Variants in SLC35F1 observed in about 807,000 individuals in gnomAD.
SLC35F1 encodes the protein solute carrier family 35 member F1.
In SLC35F1, 14 loss-of-function variants were observed where a neutral mutation model predicts 48.7. The observed-to-expected ratio is 0.29, with a 90% CI of 0.19 to 0.45. The LOEUF (loss-of-function observed/expected upper bound fraction) is 0.45, where lower values mean the gene tolerates loss of function less well. Among genes scored for constraint, SLC35F1 ranks in the 20% least tolerant of loss-of-function variants. The probability of loss-of-function intolerance (pLI) is 1.00; values close to 1 mark genes in which losing one functional copy is unlikely to be tolerated. For synonymous variants in SLC35F1, 190 were observed against 202.2 expected, an observed-to-expected ratio of 0.94 and a Z score of 0.51; for missense variants, 404 against 500.0, an observed-to-expected ratio of 0.81 and a Z score of 1.83.
intron 1 of SLC35F1, among the ~76,000 whole-genome samples, chr6:117,960,200 T>G (rs1294051956): frequency 6.6e-6 from 1 of 151,854 alleles, no homozygotes; most frequent in Non-Finnish European, 1.5e-5. Flanking sequence ...CTATGTTTGC[T>G]TCTTTCTTTC....
chr6:118,211,720 A>G (rs6936121), intron 2 of SLC35F1, among the ~76,000 whole-genome samples: 82,953 of 152,018 alleles, frequency 0.55, 23,019 homozygotes, highest in Middle Eastern at 0.62. Context: ...CTGGAAGCTC[A>G]AGTGATGTGA....
At chr6:118,299,130 A>G (rs11758402) in intron 7 of SLC35F1, among the ~76,000 whole-genome samples, 55,201 of 152,012 alleles carry the variant, frequency 0.36, 10,463 homozygotes, top group Middle Eastern at 0.46. Flanking sequence ...GCAGTGAGCC[A>G]TGATCACACC....
At chr6:118,160,898 A>ATT (rs5879450) in intron 2 of SLC35F1, among the ~76,000 whole-genome samples, 5,801 of 143,824 alleles carry the variant, frequency 0.04, 175 homozygotes, top group Middle Eastern at 0.058. Flanking sequence ...GTATCCTGCT[A>ATT]TTTTTTTTTT....
chr6:118,106,501 T>C (rs1056323583), intron 1 of SLC35F1, among the ~76,000 whole-genome samples: 8 of 152,210 alleles, frequency 5.3e-5, no homozygotes, highest in Non-Finnish European at 8.8e-5. Flanking sequence ...CAGCCACTGC[T>C]AAGCTAAATC....
At chr6:118,048,100 G>A (rs1265636332) in intron 1 of SLC35F1, among the ~76,000 whole-genome samples, 2 of 152,152 alleles carry the variant, frequency 1.3e-5, no homozygotes, top group African/African-American at 4.8e-5. Context: ...AAGCGTTGTT[G>A]ATTTTTGTCA....
intron 1 of SLC35F1, among the ~76,000 whole-genome samples, chr6:118,114,618 C>T (rs981830212): frequency 3.9e-5 from 6 of 152,136 alleles, no homozygotes; most frequent in East Asian, 1.9e-4. Context: ...CCTCGTGATC[C>T]ACCCACCTTG....
At chr6:117,974,098 T>C (rs1776676839) in intron 1 of SLC35F1, among the ~76,000 whole-genome samples, 1 of 152,184 alleles carries the variant, frequency 6.6e-6, no homozygotes, top group South Asian at 2.1e-4. Context: ...TTTGGACAAA[T>C]TGTTTAATCT....
chr6:118,048,954 C>A lies in SLC35F1; in HGVS notation c.174-105491C>A, dbSNP rs1582638104. On this transcript the variant is annotated intron_variant, in intron 1 of 7. Coordinates refer to ENST00000360388, the MANE Select transcript of SLC35F1 (RefSeq NM_001029858.4). ...AAGCTGGAGGCCTCACGCTACCTGA[C>A]TTCAAACCTTACTACAAGGCTACAG... Among the ~76,000 whole-genome samples, 5 of 152,204 alleles carry A rather than the reference C, an allele frequency of 3.3e-5. No homozygotes were observed. The South Asian group carries it at 1.0e-3, about 32-fold the overall frequency.
chr6:118,256,336 T>C (rs1022846487), intron 3 of SLC35F1, among the ~76,000 whole-genome samples: 12 of 151,816 alleles, frequency 7.9e-5, no homozygotes, highest in African/African-American at 2.9e-4. Flanking sequence ...TATGTCACTT[T>C]TAGAAACATG....
intron 1 of SLC35F1, among the ~76,000 whole-genome samples, chr6:118,112,864 T>C (rs1250728577): frequency 6.6e-6 from 1 of 152,118 alleles, no homozygotes; most frequent in African/African-American, 2.4e-5. Context: ...TCAATATCAA[T>C]CCAGCTAACT....
chr6:118,188,388 A>G (rs1774688337), intron 2 of SLC35F1, among the ~76,000 whole-genome samples: 1 of 152,080 alleles, frequency 6.6e-6, no homozygotes, highest in Non-Finnish European at 1.5e-5. Context: ...CGTCTCTACT[A>G]AAAATACAAA....
At chr6:118,096,858 A>G (rs77240269) in intron 1 of SLC35F1, among the ~76,000 whole-genome samples, 1 of 152,204 alleles carries the variant, frequency 6.6e-6, no homozygotes, top group East Asian at 1.9e-4. Context: ...CTATGCCCCT[A>G]TTCCCTGCCT....
chr6:118,268,031 A>T (rs1359769151), intron 4 of SLC35F1, among the ~76,000 whole-genome samples: 1 of 152,158 alleles, frequency 6.6e-6, no homozygotes, highest in African/African-American at 2.4e-5. Flanking sequence ...TTAGATGATA[A>T]AGAGTCAAAA....
intron 1 of SLC35F1, among the ~76,000 whole-genome samples, chr6:118,014,861 C>T (rs1012255030): frequency 6.6e-6 from 1 of 152,198 alleles, no homozygotes; most frequent in Non-Finnish European, 1.5e-5. Context: ...TGAGGCTCAC[C>T]TATATGGGCT....
chr6:117,924,471 TAC>T (rs1300833805), intron 1 of SLC35F1, among the ~76,000 whole-genome samples: 2 of 17,616 alleles, frequency 1.1e-4, no homozygotes, highest in African/African-American at 1.9e-4. Flanking sequence ...TGTACATATA[TAC>T]ATATGTATAT....
chr6:118,183,549 T>C (rs561416529), intron 2 of SLC35F1, among the ~76,000 whole-genome samples: 1 of 152,156 alleles, frequency 6.6e-6, no homozygotes, highest in African/African-American at 2.4e-5. Context: ...AAAAATTGCA[T>C]AGAACTCATG....
intron 1 of SLC35F1, among the ~76,000 whole-genome samples, chr6:118,144,511 T>C (rs11756834): frequency 0.48 from 71,729 of 150,298 alleles, 18,316 homozygotes; most frequent in Middle Eastern, 0.62. Flanking sequence ...GATAGGTTGA[T>C]AGGTGCAGCA....
At chr6:118,082,389 C>T (rs1483676245) in intron 1 of SLC35F1, among the ~76,000 whole-genome samples, 1 of 152,096 alleles carries the variant, frequency 6.6e-6, no homozygotes, top group Non-Finnish European at 1.5e-5. Context: ...TTGAAGAGCT[C>T]AGAGAATAAT....
chr6:118,183,214 A>G (rs952640742), intron 2 of SLC35F1, among the ~76,000 whole-genome samples: 1 of 152,160 alleles, frequency 6.6e-6, no homozygotes, highest in Non-Finnish European at 1.5e-5. Flanking sequence ...TTAGCAAATG[A>G]TTGGTTGGCA....
Sources: allele counts gnomAD v4.1 joint callset (sites outside exome capture counted in the v4.1 genomes callset), GRCh38; gene constraint gnomAD v4.1.1; transcripts MANE v1.5; gene names NCBI Gene and HGNC (gene_info 2026-07-23, HGNC 2026-07-21).